The following GPR37 variants were observed in gnomAD, a reference collection of about 807,000 sequenced individuals.
GPR37 encodes prosaposin receptor GPR37.
A neutral mutation model predicts 43.6 loss-of-function variants in GPR37; 20 were observed. The ratio of observed to expected loss-of-function variants is 0.46; its 90% CI spans 0.32 to 0.67. The LOEUF is 0.67. Ranked by LOEUF, GPR37 falls within the 30% of genes least tolerant of loss-of-function variation. The pLI, the probability that GPR37 is intolerant of heterozygous loss-of-function variation, is 0.03. For missense variants in GPR37, 724 were observed against 797.2 expected, an observed-to-expected ratio of 0.91 and a Z score of 1.11; for synonymous variants, 315 against 322.6, an observed-to-expected ratio of 0.98 and a Z score of 0.25.
rs528995062 is a variant in GPR37, at chr7:124,765,254, C to G, written c.-278G>C. Reference sequence around the variant, plus strand: ...GTTCCTAGAGGGAATAGGCTACTCCCGGTGGCTGACCTTGAAAAGTTGCAA... The same window carrying G: ...GTTCCTAGAGGGAATAGGCTACTCCGGGTGGCTGACCTTGAAAAGTTGCAA... On this transcript the variant is annotated 5_prime_UTR_variant, in exon 1 of 2. Coordinates refer to ENST00000303921, the MANE Select transcript of GPR37 (RefSeq NM_005302.5). 9 of 376,754 alleles carry G rather than the reference C, an allele frequency of 2.4e-5. No homozygotes were observed. Among genetic ancestry groups the G allele is most frequent in the African/African-American group, 4.2e-5 (2 of 48,156 alleles). 23.3% of individuals were successfully genotyped at this position (376,754 alleles called of 1,614,324 possible).
intron 1 of GPR37, among the ~76,000 whole-genome samples, chr7:124,761,332 A>G (rs1483025532): frequency 1.3e-5 from 2 of 152,108 alleles, no homozygotes; most frequent in Non-Finnish European, 2.9e-5. Flanking sequence ...AGATCCACCC[A>G]ACTCAAGGTT....
chr7:124,760,375 T>A (rs919820175), intron 1 of GPR37, among the ~76,000 whole-genome samples: 2 of 152,174 alleles, frequency 1.3e-5, no homozygotes, highest in Non-Finnish European at 2.9e-5. Context: ...CCTTCACCAA[T>A]CTAACATACT....
At position 124,745,343 on chromosome 7, in the gene GPR37, T is replaced by C. The variant is rs970799926; in HGVS notation, c.*1182A>G. On this transcript the variant is annotated 3_prime_UTR_variant, in exon 2 of 2. Transcript: ENST00000303921. Reference sequence around the variant, plus strand: ...CTCTGCCACCTGAGTTAGACATGTGTCCCACACAGCAAGCATCCTACACAA... The same window carrying C: ...CTCTGCCACCTGAGTTAGACATGTGCCCCACACAGCAAGCATCCTACACAA... Among the ~76,000 whole-genome samples the C allele has an allele frequency of 5.3e-5, 8 of 152,158 alleles. No homozygotes were observed. Among genetic ancestry groups the C allele is most frequent in the African/African-American group, 1.9e-4 (8 of 41,430 alleles).
In GPR37 at chr7:124,746,923, G is replaced by T; in HGVS notation, c.1444C>A (p.Arg482=). Residue 482 remains arginine (R), a synonymous_variant, in exon 2 of 2, where the codon CGG becomes AGG. Transcript: ENST00000303921. ...AEKACTRGNK[R]QIQLESQMNC... is the part of the protein sequence containing the mutation. ...ATCTGACTCTCTAGTTGAATCTGCC[G>T]TTTATTCCCTCGGGTACAGGCTTTC... 1 of 1,614,056 alleles carries T rather than the reference G, an allele frequency of 6.2e-7. No individual in the cohort carries two copies. The highest frequency in any genetic ancestry group is 1.7e-5 in the Admixed American group (1 of 60,002).
In GPR37 at chr7:124,747,363, A is replaced by T. The variant is rs1793685294; in HGVS notation, c.1024-20T>A. ...AGCGACCTGTGGGGGAACATAGAAG[A>T]CATTTATTCCCGGTGTCCCCCGAAA... On this transcript the variant is annotated intron_variant, in intron 1 of 1. Transcript: ENST00000303921. 2.0e-6 allele frequency: 3 copies of T among 1,509,944 alleles called. No individual in the cohort carries two copies. The highest frequency in any genetic ancestry group is 2.7e-6 in the Non-Finnish European group (3 of 1,101,880). The allele number at this position is 1,509,944 out of a possible 1,614,324, so 93.5% of individuals were successfully genotyped here.
chr7:124,755,830 C>G lies in GPR37; in HGVS notation c.1023+8124G>C, dbSNP rs34119973. ...TGTTCCTAGTCAATCTTAAAGTGAC[C>G]TGGAATTTCAGTTCCTTACCTTGGG... On this transcript the variant is annotated intron_variant, in intron 1 of 1. Coordinates refer to ENST00000303921, the MANE Select transcript of GPR37 (RefSeq NM_005302.5). Among the ~76,000 whole-genome samples the G allele has an allele frequency of 7.2e-3, 1,096 of 152,208 alleles. 20 individuals are homozygous for G. The highest frequency in any genetic ancestry group is 0.034 in the East Asian group (178 of 5,184).
Position 124,758,193 on chromosome 7 carries a change from C to T in GPR37, c.1023+5761G>A, listed in dbSNP as rs899161775. Among the ~76,000 whole-genome samples, 32 of 152,294 alleles carry T rather than the reference C, an allele frequency of 2.1e-4. 1 individual carries two copies. The highest frequency in any genetic ancestry group is 3.4e-3 in the Middle Eastern group (1 of 294). On this transcript the variant is annotated intron_variant, in intron 1 of 1. Transcript: ENST00000303921. The stretch of plus-strand genomic sequence containing the variant: ...TTGTGGAAGATCCAAATTCAGTTAA[C>T]TTCACCATACACCATTCAGAAATGG...
chr7:124,762,663 C>T (rs955495350), intron 1 of GPR37, among the ~76,000 whole-genome samples: 1 of 152,144 alleles, frequency 6.6e-6, no homozygotes, highest in Non-Finnish European at 1.5e-5. Flanking sequence ...AAATCATGGA[C>T]GCTGCTAAAG....
rs749552573 is a variant in GPR37 at position 124,747,083 on chromosome 7, T to C, written c.1284A>G (p.Pro428=). Residue 428 remains proline (P), a synonymous_variant, in exon 2 of 2, where the codon CCA becomes CCG. Coordinates refer to ENST00000303921, the MANE Select transcript of GPR37 (RefSeq NM_005302.5). ...TGAGGGCTAGAACATAGATGGTGTC[T>C]GGTAAATCAGGAGAGATCTTAATAA... ...RCIIKISPDL[P]DTIYVLALTY... is the part of the protein sequence containing the mutation. 2 of 1,613,974 alleles carry C rather than the reference T, an allele frequency of 1.2e-6. No homozygotes were observed. Among genetic ancestry groups the C allele is most frequent in the Non-Finnish European group, 1.7e-6 (2 of 1,179,908 alleles).
chr7:124,745,717 T>C lies in GPR37; in HGVS notation c.*808A>G, dbSNP rs1299053413. On this transcript the variant is annotated 3_prime_UTR_variant, in exon 2 of 2. Transcript: ENST00000303921. ...CCATAATTCCCCAAGGGAAAATCTG[T>C]AGCTCTATGTGCTAGTTCAGAGGTG... Among the ~76,000 whole-genome samples, 2 of 152,202 alleles carry C rather than the reference T, an allele frequency of 1.3e-5. No individual in the cohort carries two copies. Among genetic ancestry groups the C allele is most frequent in the South Asian group, 4.1e-4 (2 of 4,830 alleles).
Position 124,765,039 on chromosome 7 carries a change from C to G in GPR37, c.-63G>C. On this transcript the variant is annotated 5_prime_UTR_variant, in exon 1 of 2. Coordinates refer to ENST00000303921, the MANE Select transcript of GPR37 (RefSeq NM_005302.5). ...CTTAGTTAGGATCGACACCTGCTGC[C>G]GAAGTTGCTGCTGAGAGTTAGGCAC... The G allele has an allele frequency of 7.2e-7, 1 of 1,390,040 alleles. No homozygotes were observed. Among genetic ancestry groups the G allele is most frequent in the East Asian group, 2.7e-5 (1 of 37,732 alleles). The allele number at this position is 1,390,040 out of a possible 1,614,324, so 86.1% of individuals were successfully genotyped here. A position where few individuals can be genotyped will look rare whatever the true frequency, so the allele number is the denominator to read the frequency against.
intron 1 of GPR37, among the ~76,000 whole-genome samples, chr7:124,761,600 A>G (rs1209097138): frequency 6.6e-6 from 1 of 152,172 alleles, no homozygotes; most frequent in Non-Finnish European, 1.5e-5. Flanking sequence ...AATAAACTTG[A>G]TGCCCCAATA....
At chr7:124,749,498 A>G (rs2116310825) in intron 1 of GPR37, among the ~76,000 whole-genome samples, 1 of 152,278 alleles carries the variant, frequency 6.6e-6, no homozygotes, top group East Asian at 1.9e-4. Context: ...CATTTGTCAT[A>G]CAATTTTAGT....
intron 1 of GPR37, among the ~76,000 whole-genome samples, chr7:124,763,567 GTTT>G (rs60841771): frequency 6.8e-6 from 1 of 147,296 alleles, no homozygotes; most frequent in Non-Finnish European, 1.5e-5. Flanking sequence ...AAATGCTAAT[GTTT>G]TTTTTTTTTT....
intron 1 of GPR37, among the ~76,000 whole-genome samples, chr7:124,748,938 C>T (rs539255708): frequency 2.4e-4 from 37 of 151,994 alleles, no homozygotes; most frequent in African/African-American, 8.2e-4. Context: ...AAGCATTGTA[C>T]ATGTACTCAA....
chr7:124,745,070 G>T lies in GPR37; in HGVS notation c.*1455C>A, dbSNP rs1793655118. The stretch of plus-strand genomic sequence containing the variant: ...TGGACTGGGAAAAAGGAGATAGCCT[G>T]GGCACTGCCATTTAAGTTTCACCTG... On this transcript the variant is annotated 3_prime_UTR_variant, in exon 2 of 2. Transcript: ENST00000303921. 1 of 152,132 alleles carries T rather than the reference G, an allele frequency of 6.6e-6. No individual in the cohort carries two copies. Among genetic ancestry groups the T allele is most frequent in the Non-Finnish European group, 1.5e-5 (1 of 68,034 alleles). The allele number at this position is 152,132 out of a possible 1,614,324, so 9.4% of individuals were successfully genotyped here.
At chr7:124,748,766 C>T (rs1793702050) in intron 1 of GPR37, among the ~76,000 whole-genome samples, 1 of 152,000 alleles carries the variant, frequency 6.6e-6, no homozygotes. Flanking sequence ...AGGCACTGCT[C>T]TTATAAGCAT....
chr7:124,750,103 T>C (rs1415856188), intron 1 of GPR37, among the ~76,000 whole-genome samples: 1 of 152,158 alleles, frequency 6.6e-6, no homozygotes, highest in Non-Finnish European at 1.5e-5. Context: ...TAAAGACATC[T>C]AAGAACGGCT....
chr7:124,764,423 C>T lies in GPR37; in HGVS notation c.554G>A (p.Arg185Lys). ...GTGGGAACCCTGGAGTTTCCCGGCT[C>T]TCCTTGGCCAGTAAAAAAGATCGCT... is the stretch of plus-strand genomic sequence containing the variant. ...GASDLFYWPRRAGKLQGSHHK... is the reference protein window; with the variant it reads ...GASDLFYWPRKAGKLQGSHHK... The change falls in exon 1 of 2, where the codon AGA becomes AAA. Residue 185 changes from arginine (R) to lysine (K), a missense_variant. Physicochemically the swap from Arg to Lys is conservative, Grantham distance 26 (BLOSUM62 2). Coordinates refer to ENST00000303921, the MANE Select transcript of GPR37 (RefSeq NM_005302.5). This position sits in a 1 kb window ranked among gnomAD's most constrained non-coding sequence, Gnocchi z 5.4. 5.6e-6 allele frequency: 9 copies of T among 1,613,668 alleles called. No individual in the cohort carries two copies. Among genetic ancestry groups the T allele is most frequent in the Non-Finnish European group, 7.6e-6 (9 of 1,180,034 alleles).
Sources: gnomAD v4.1 joint callset for allele counts (sites outside exome capture counted in the v4.1 genomes callset) on GRCh38, gnomAD v4.1.1 for gene constraint, Gnocchi (gnomAD v3.1) non-coding constraint, MANE v1.5 for transcripts, NCBI Gene and HGNC (gene_info 2026-07-23, HGNC 2026-07-21) for gene names.